Variants in LSAMP observed in about 807,000 individuals in gnomAD.
LSAMP encodes limbic system-associated membrane protein.
Under a neutral mutation model 38.6 loss-of-function variants are expected in LSAMP, and 7 were observed. The observed-to-expected ratio is 0.18, with a 90% CI of 0.10 to 0.34. The LOEUF is 0.34. Among genes scored for constraint, LSAMP ranks in the 10% least tolerant of loss-of-function variants. The pLI is 1.00. For synonymous variants in LSAMP, 154 were observed against 166.8 expected (o/e 0.92, Z 0.59); for missense variants, 313 against 420.0 (o/e 0.75, Z 2.23).
intron 1 of LSAMP, among the ~76,000 whole-genome samples, chr3:116,310,419 T>G (rs2047541530): frequency 6.6e-6 from 1 of 152,208 alleles, no homozygotes; most frequent in African/African-American, 2.4e-5. Context: ...GATCCTTGGC[T>G]TCTCAATTTG....
chr3:115,829,681 C>A (rs1197806570), intron 6 of LSAMP, among the ~76,000 whole-genome samples: 1 of 152,120 alleles, frequency 6.6e-6, no homozygotes, highest in African/African-American at 2.4e-5. Context: ...GTGTGTGCCA[C>A]ACAACCAGGA....
Position 116,013,675 on chromosome 3 carries a change from C to G in LSAMP, c.514+5840G>C, listed in dbSNP as rs531958080. ...GTAAGGCACTGAAAATAAAATATAG[C>G]AAACATTTTAAAATTTATTTTTGTG... On this transcript the variant is annotated intron_variant, in intron 3 of 6. Coordinates refer to ENST00000490035, the MANE Select transcript of LSAMP (RefSeq NM_002338.5). Among the ~76,000 whole-genome samples the G allele has an allele frequency of 3.8e-3, 580 of 151,960 alleles. 3 individuals are homozygous for G. The highest frequency in any genetic ancestry group is 0.013 in the African/African-American group (546 of 41,458).
At chr3:116,080,189 C>T (rs1297522353) in intron 2 of LSAMP, among the ~76,000 whole-genome samples, 3 of 152,106 alleles carry the variant, frequency 2.0e-5, no homozygotes, top group African/African-American at 4.8e-5. Context: ...AAAATTCTCC[C>T]CATAAGGCAT....
At chr3:116,130,062 T>C (rs1355066169) in intron 1 of LSAMP, among the ~76,000 whole-genome samples, 1 of 152,228 alleles carries the variant, frequency 6.6e-6, no homozygotes, top group African/African-American at 2.4e-5. Flanking sequence ...AGGAACACTC[T>C]CAGTAGTTTC....
At position 115,872,845 on chromosome 3, in the gene LSAMP, T is replaced by C. The variant is rs541299364; in HGVS notation, c.515-20228A>G. Among the ~76,000 whole-genome samples, 6 of 152,222 alleles carry C rather than the reference T, an allele frequency of 3.9e-5. No homozygotes were observed. The South Asian group carries it at 1.2e-3, about 32-fold the overall frequency. On this transcript the variant is annotated intron_variant, in intron 3 of 6. Transcript: ENST00000490035. ...GAAAGGAGAAGAGAACTAATACTCA[T>C]TCACCAAATAAATATTTACTGAGAA...
At chr3:116,327,675 C>T (rs924708548) in intron 1 of LSAMP, among the ~76,000 whole-genome samples, 1 of 152,086 alleles carries the variant, frequency 6.6e-6, no homozygotes, top group African/African-American at 2.4e-5. Flanking sequence ...AGATCCATTC[C>T]TGACTGAAAA....
chr3:116,410,044 G>C (rs1312414784), intron 1 of LSAMP, among the ~76,000 whole-genome samples: 2 of 152,064 alleles, frequency 1.3e-5, no homozygotes, highest in Non-Finnish European at 2.9e-5. Flanking sequence ...TTCAAGAACA[G>C]TCCTTTAGTT....
At position 115,919,925 on chromosome 3, in the gene LSAMP, G is replaced by A. The variant is rs533732813; in HGVS notation, c.515-67308C>T. 4.6e-5 allele frequency among the ~76,000 whole-genome samples: 7 copies of A among 152,272 alleles called. 1 individual carries two copies. The South Asian group carries it at 1.5e-3, about 32-fold the overall frequency. ...CGTGCCCAGCCCTTTGACTACTTTA[G>A]ATACCAATATAACTGAAGTAGCATT... On this transcript the variant is annotated intron_variant, in intron 3 of 6. Transcript: ENST00000490035.
At chr3:115,850,981 TTTTTA>T (rs1935312735) in intron 4 of LSAMP, among the ~76,000 whole-genome samples, 1 of 136,538 alleles carries the variant, frequency 7.3e-6, no homozygotes, top group Non-Finnish European at 1.6e-5. Flanking sequence ...CTCTCTCTCT[TTTTTA>T]TTTTGAGACA....
intron 2 of LSAMP, among the ~76,000 whole-genome samples, chr3:116,022,572 C>T (rs1325533007): frequency 6.6e-6 from 1 of 151,960 alleles, no homozygotes; most frequent in African/African-American, 2.4e-5. Flanking sequence ...TTTTTATTTC[C>T]CTTGGATTCT....
At chr3:116,047,389 AAC>A (rs1491179366) in intron 2 of LSAMP, among the ~76,000 whole-genome samples, 16 of 146,476 alleles carry the variant, frequency 1.1e-4, no homozygotes, top group African/African-American at 2.5e-4. Flanking sequence ...AAAAAAAAAA[AAC>A]AAAACAAACA....
At chr3:116,247,830 A>G (rs2046623624) in intron 1 of LSAMP, among the ~76,000 whole-genome samples, 1 of 152,200 alleles carries the variant, frequency 6.6e-6, no homozygotes, top group Admixed American at 6.5e-5. Flanking sequence ...GCCAATGTTA[A>G]TCTTTATCAG....
In LSAMP at chr3:115,842,567, T is replaced by C. The variant is rs1935031941; in HGVS notation, c.661A>G (p.Ile221Val). 4 of 1,613,362 alleles carry C rather than the reference T, an allele frequency of 2.5e-6. No homozygotes were observed. Among genetic ancestry groups the C allele is most frequent in the East Asian group, 2.2e-5 (1 of 44,826 alleles). The change falls in exon 5 of 7, where the codon ATC (isoleucine) becomes GTC (valine). Residue 221 changes from isoleucine (I) to valine (V), a missense_variant. By Grantham distance (29) the Ile-to-Val change is conservative. Transcript: ENST00000490035. ...VKVTVNYPPT[I>V]TESKSNEATT... is the part of the protein sequence containing the mutation. ...GCTTCATTGCTCTTGGATTCTGTGA[T>C]AGTGGGAGGATCTGTAGGAAGGACA...
At chr3:116,382,913 C>G (rs2048580639) in intron 1 of LSAMP, among the ~76,000 whole-genome samples, 1 of 151,962 alleles carries the variant, frequency 6.6e-6, no homozygotes, top group Non-Finnish European at 1.5e-5. Context: ...AGAAGAACAG[C>G]CTTAAGATAA....
intron 2 of LSAMP, among the ~76,000 whole-genome samples, chr3:116,062,185 T>C (rs1941605583): frequency 6.6e-6 from 1 of 152,220 alleles, no homozygotes. Flanking sequence ...GCCCTCCCCT[T>C]AATGATAGAT....
At chr3:116,429,938 T>C (rs1290882776) in intron 1 of LSAMP, among the ~76,000 whole-genome samples, 1 of 152,214 alleles carries the variant, frequency 6.6e-6, no homozygotes, top group Non-Finnish European at 1.5e-5. Flanking sequence ...AGCAAAATGT[T>C]CAGTTAGAAA....
At chr3:115,885,142 A>G (rs1201287234) in intron 3 of LSAMP, among the ~76,000 whole-genome samples, 1 of 152,042 alleles carries the variant, frequency 6.6e-6, no homozygotes, top group Non-Finnish European at 1.5e-5. Flanking sequence ...AAACTCATTC[A>G]ACAAGTACTT....
chr3:116,255,395 A>G (rs752982541), intron 1 of LSAMP, among the ~76,000 whole-genome samples: 1 of 152,192 alleles, frequency 6.6e-6, no homozygotes, highest in Non-Finnish European at 1.5e-5. Context: ...TACAGCTTAA[A>G]AGTCTTTGGT....
At chr3:115,935,833 T>C (rs1937682364) in intron 3 of LSAMP, among the ~76,000 whole-genome samples, 2 of 152,202 alleles carry the variant, frequency 1.3e-5, no homozygotes, top group Admixed American at 1.3e-4. Context: ...TTCTTGGCTG[T>C]AAATAGCACT....
Sources: allele counts gnomAD v4.1 joint callset (sites outside exome capture counted in the v4.1 genomes callset), GRCh38; gene constraint gnomAD v4.1.1; transcripts MANE v1.5; gene names NCBI Gene and HGNC (gene_info 2026-07-23, HGNC 2026-07-21).